The following DCLK1 variants were observed in gnomAD, a reference collection of about 807,000 sequenced individuals.
DCLK1 encodes serine/threonine-protein kinase DCLK1.
Under a neutral mutation model 86.2 loss-of-function variants are expected in DCLK1, and 16 were observed. That is an observed-to-expected ratio of 0.19 (90% CI 0.13 to 0.28). The LOEUF (loss-of-function observed/expected upper bound fraction) is 0.28, where lower values mean the gene tolerates loss of function less well. Ranked by LOEUF, DCLK1 falls within the 10% of genes least tolerant of loss-of-function variation. The pLI is 1.00. For missense variants in DCLK1, 590 were observed against 940.2 expected, an observed-to-expected ratio of 0.63 and a Z score of 4.87; for synonymous variants, 369 against 370.5, an observed-to-expected ratio of 1.00 and a Z score of 0.05.
chr13:35,823,316 C>T (rs1344213267), intron 10 of DCLK1, among the ~76,000 whole-genome samples: 2 of 151,872 alleles, frequency 1.3e-5, no homozygotes, highest in Non-Finnish European at 2.9e-5. Flanking sequence ...GCAAACTGCA[C>T]ACTGAAAATG....
intron 3 of DCLK1, among the ~76,000 whole-genome samples, chr13:36,051,485 T>C (rs967685589): frequency 4.6e-5 from 7 of 152,016 alleles, no homozygotes; most frequent in Admixed American, 4.6e-4. Flanking sequence ...TAAGTACATT[T>C]GTCTTGCTTT....
intron 3 of DCLK1, among the ~76,000 whole-genome samples, chr13:36,103,682 T>G (rs1885299243): frequency 6.6e-6 from 1 of 152,226 alleles, no homozygotes; most frequent in African/African-American, 2.4e-5. Flanking sequence ...AACAGACTTC[T>G]TTCATTTAAT....
intron 3 of DCLK1, among the ~76,000 whole-genome samples, chr13:35,980,339 C>CA (rs1879573374): frequency 6.6e-6 from 1 of 152,066 alleles, no homozygotes; most frequent in African/African-American, 2.4e-5. Context: ...CCTGTGGTCC[C>CA]AGCCACTCGG....
chr13:35,986,005 C>T (rs948712689), intron 3 of DCLK1, among the ~76,000 whole-genome samples: 4 of 152,076 alleles, frequency 2.6e-5, no homozygotes, highest in African/African-American at 9.7e-5. Context: ...GCAGTCCTCA[C>T]TTAAAAGGCC....
At chr13:35,909,349 T>C (rs936370537) in intron 4 of DCLK1, among the ~76,000 whole-genome samples, 4 of 152,192 alleles carry the variant, frequency 2.6e-5, no homozygotes, top group South Asian at 2.1e-4. Context: ...GAAGACGCTG[T>C]ACATGTGACA....
chr13:35,803,314 T>C (rs1329117612), intron 15 of DCLK1, among the ~76,000 whole-genome samples: 1 of 152,150 alleles, frequency 6.6e-6, no homozygotes, highest in Non-Finnish European at 1.5e-5. Flanking sequence ...AAGGATAACT[T>C]TTGCTTAGCA....
At chr13:36,063,486 T>C (rs2153159694) in intron 3 of DCLK1, among the ~76,000 whole-genome samples, 1 of 152,268 alleles carries the variant, frequency 6.6e-6, no homozygotes, top group East Asian at 1.9e-4. Context: ...ACTCTGCTTC[T>C]CAGTAACTTC....
chr13:35,777,519 T>A (rs1443798063), intron 16 of DCLK1, among the ~76,000 whole-genome samples: 3 of 152,214 alleles, frequency 2.0e-5, no homozygotes, highest in African/African-American at 7.2e-5. Flanking sequence ...CCAGCCAGCA[T>A]GAGCTAGGGA....
At chr13:36,006,545 T>C (rs1486014794) in intron 3 of DCLK1, among the ~76,000 whole-genome samples, 1 of 152,256 alleles carries the variant, frequency 6.6e-6, no homozygotes, top group African/African-American at 2.4e-5. Context: ...AAAACCTGCT[T>C]TGCCACTTTC....
chr13:36,015,004 T>TTCTC (rs60179491), intron 3 of DCLK1, among the ~76,000 whole-genome samples: 2 of 144,162 alleles, frequency 1.4e-5, no homozygotes, highest in Non-Finnish European at 3.0e-5. Context: ...CTCTCTCTCT[T>TTCTC]TCTCTCTCTC....
In DCLK1 at chr13:35,809,076, T is replaced by C. The variant is rs757899330; in HGVS notation, c.1708A>G (p.Ile570Val). Residue 570 changes from isoleucine to valine, a missense_variant, in exon 13 of 17, where the codon ATC (isoleucine) becomes GTC (valine). Transcript: ENST00000360631. ...AETGYGLKVDIWAAGVITYIL... is the reference protein window; with the variant it reads ...AETGYGLKVDVWAAGVITYIL... ...TAAGTGATTACACCTGCTGCCCAGA[T>C]GTCCACCTTGAGGCCGTATCTGGAA... 2 of 1,611,920 alleles carry C rather than the reference T, an allele frequency of 1.2e-6. No homozygotes were observed. The highest frequency in any genetic ancestry group is 1.3e-5 in the African/African-American group (1 of 74,970).
In DCLK1 at chr13:35,928,318, A is replaced by G. The variant is rs1183566820; in HGVS notation, c.823+19040T>C. On this transcript the variant is annotated intron_variant, in intron 4 of 16. Coordinates refer to ENST00000360631, the MANE Select transcript of DCLK1 (RefSeq NM_001330071.2). ...TCAGCACTGCGGCCTGCCTGCCACTACTGAGCTGTGCATGAGGACAGGTCA... is the reference window on the plus strand; with the variant it reads ...TCAGCACTGCGGCCTGCCTGCCACTGCTGAGCTGTGCATGAGGACAGGTCA... Among the ~76,000 whole-genome samples the G allele has an allele frequency of 4.6e-5, 7 of 152,216 alleles. No individual in the cohort carries two copies. The East Asian group carries it at 1.4e-3, about 30-fold the overall frequency.
intron 3 of DCLK1, among the ~76,000 whole-genome samples, chr13:35,982,705 G>A (rs1426666892): frequency 2.0e-5 from 3 of 152,264 alleles, no homozygotes; most frequent in African/African-American, 7.2e-5. Flanking sequence ...TACGTCTGTT[G>A]CGGAACGTTA....
chr13:35,784,387 G>T (rs938961912), intron 16 of DCLK1, among the ~76,000 whole-genome samples: 3 of 152,114 alleles, frequency 2.0e-5, no homozygotes, highest in Admixed American at 1.3e-4. Context: ...CAAAATAAAA[G>T]AAAATAAAAC....
intron 3 of DCLK1, among the ~76,000 whole-genome samples, chr13:35,968,570 C>A (rs541990123): frequency 6.6e-6 from 1 of 152,254 alleles, no homozygotes; most frequent in African/African-American, 2.4e-5. Flanking sequence ...TGCACACTGA[C>A]AATACAACAA....
chr13:36,041,469 T>G (rs1001533270), intron 3 of DCLK1, among the ~76,000 whole-genome samples: 3 of 152,218 alleles, frequency 2.0e-5, no homozygotes, highest in South Asian at 2.1e-4. Context: ...GCCTTCATCT[T>G]ACAGATTTCA....
chr13:36,058,073 G>A (rs1883401604), intron 3 of DCLK1, among the ~76,000 whole-genome samples: 1 of 152,140 alleles, frequency 6.6e-6, no homozygotes, highest in East Asian at 1.9e-4. Flanking sequence ...GCTCTAATAG[G>A]ACATTCAGAG....
rs113000389 is a variant in DCLK1 at position 35,965,354 on chromosome 13, C to T, written c.724-17897G>A. Among the ~76,000 whole-genome samples, 737 of 152,242 alleles carry T rather than the reference C, an allele frequency of 4.8e-3. 6 individuals carry two copies. Among genetic ancestry groups the T allele is most frequent in the African/African-American group, 0.017 (697 of 41,552 alleles). ...TATAGGACCAGTCAGTCCAAAGGAC[C>T]GGCTCCACTGATTCTTTGACTCGAA... On this transcript the variant is annotated intron_variant, in intron 3 of 16. Coordinates refer to ENST00000360631, the MANE Select transcript of DCLK1 (RefSeq NM_001330071.2).
At chr13:35,808,134 G>T in intron 14 of DCLK1, 90 bp downstream of exon 14, 1 of 1,198,312 alleles carries the variant, frequency 8.3e-7, no homozygotes, top group Non-Finnish European at 1.2e-6. Flanking sequence ...TACTTATGAT[G>T]TCATTAGTTT....
Sources: allele counts gnomAD v4.1 joint callset (sites outside exome capture counted in the v4.1 genomes callset), GRCh38; gene constraint gnomAD v4.1.1; transcripts MANE v1.5; gene names NCBI Gene and HGNC (gene_info 2026-07-23, HGNC 2026-07-21).